TRPC5: variants seen among roughly 807,000 people sequenced by gnomAD.
The protein encoded by TRPC5 is short transient receptor potential channel 5.
TRPC5 carries 9 observed loss-of-function variants against 56.5 expected under a neutral mutation model. The observed-to-expected ratio is 0.16, with a 90% CI of 0.10 to 0.28. The LOEUF (loss-of-function observed/expected upper bound fraction) is 0.28. Ranked by LOEUF, TRPC5 falls within the 10% of genes least tolerant of loss-of-function variation. The pLI is 1.00. For synonymous variants in TRPC5, 282 were observed against 278.5 expected, an observed-to-expected ratio of 1.01 and a Z score of -0.13; for missense variants, 469 against 748.9, an observed-to-expected ratio of 0.63 and a Z score of 4.36.
At chrX:112,020,543 A>G (rs993886461) in intron 1 of TRPC5, among the ~76,000 whole-genome samples, 1 of 112,319 alleles carries the variant, frequency 8.9e-6, no homozygotes, top group African/African-American at 3.2e-5. Flanking sequence ...TTAGGCCTGA[A>G]TGTAAAAAAC....
chrX:111,776,878 C>T lies in TRPC5; in HGVS notation c.2357G>A (p.Gly786Asp), dbSNP rs1569524986. ...ELSQRDDNNDGSGGARAKSKS... is the reference protein window; with the variant it reads ...ELSQRDDNNDDSGGARAKSKS... Reference sequence around the variant, plus strand: ...GGATTTGGCCCGAGCCCCACCACTGCCATCATTATTATCGTCTCTCTGAGA... The same window carrying T: ...GGATTTGGCCCGAGCCCCACCACTGTCATCATTATTATCGTCTCTCTGAGA... The change falls in exon 11 of 11, where the codon GGC (glycine) becomes GAC (aspartate). Residue 786 changes from glycine (G) to aspartate (D), a missense_variant. Coordinates refer to ENST00000262839, the MANE Select transcript of TRPC5 (RefSeq NM_012471.3). 2 of 1,211,471 alleles carry T rather than the reference C, an allele frequency of 1.7e-6. No individual in the cohort carries two copies. The highest frequency in any genetic ancestry group is 2.2e-6 in the Non-Finnish European group (2 of 895,395).
chrX:111,994,659 T>G lies in TRPC5; in HGVS notation c.-21-42218A>C, dbSNP rs367884629. Among the ~76,000 whole-genome samples the G allele has an allele frequency of 2.2e-3, 250 of 111,373 alleles. 1 individual carries two copies. The highest frequency in any genetic ancestry group is 7.5e-3 in the African/African-American group (229 of 30,650). On this transcript the variant is annotated intron_variant, in intron 1 of 10. Transcript: ENST00000262839. ...GATTCCTAGGTATTTTATTCTCTTT[T>G]TAGCCATTGTGAATGGGAGTTCACT...
chrX:111,971,439 T>C (rs1245282641), intron 1 of TRPC5, among the ~76,000 whole-genome samples: 1 of 111,390 alleles, frequency 9.0e-6, no homozygotes, highest in African/African-American at 3.3e-5. Context: ...CAATCCAAGT[T>C]TGGATTGTAA....
At chrX:111,805,485 C>CT (rs1345823197) in intron 7 of TRPC5, among the ~76,000 whole-genome samples, 5 of 110,943 alleles carry the variant, frequency 4.5e-5, no homozygotes, top group Non-Finnish European at 9.4e-5. Context: ...TGGACCTTGA[C>CT]TTTTTTTGGT....
At chrX:111,841,350 T>C (rs770326135) in intron 6 of TRPC5, among the ~76,000 whole-genome samples, 3 of 112,095 alleles carry the variant, frequency 2.7e-5, no homozygotes, top group Non-Finnish European at 5.6e-5. Context: ...CCTGTATCCC[T>C]AGGTAAAAGT....
chrX:112,006,752 G>A lies in TRPC5; in HGVS notation c.-21-54311C>T, dbSNP rs1311476071. On this transcript the variant is annotated intron_variant, in intron 1 of 10. Transcript: ENST00000262839. ...TGGGTTTGATTCTGGAGGCATCGGAGAGCCATTAGATGCATTATTATTGGC... is the reference window on the plus strand; with the variant it reads ...TGGGTTTGATTCTGGAGGCATCGGAAAGCCATTAGATGCATTATTATTGGC... 4.5e-5 allele frequency among the ~76,000 whole-genome samples: 5 copies of A among 112,067 alleles called. No individual in the cohort carries two copies. The East Asian group carries it at 1.4e-3, about 31-fold the overall frequency.
intron 1 of TRPC5, among the ~76,000 whole-genome samples, chrX:111,993,499 C>A (rs1928424487): frequency 1.8e-5 from 2 of 112,203 alleles, no homozygotes; most frequent in Admixed American, 1.9e-4. Flanking sequence ...AATGGTTGAA[C>A]CAATTTACAC....
At position 111,772,370 on chromosome X, in the gene TRPC5, T is replaced by C. The variant is rs1452808067; in HGVS notation, c.*3943A>G. ...CACTTGGATCAATTTGCATTGACTATGTCTATATGAGCAATCTTTTGAAAA... is the reference window on the plus strand; with the variant it reads ...CACTTGGATCAATTTGCATTGACTACGTCTATATGAGCAATCTTTTGAAAA... On this transcript the variant is annotated 3_prime_UTR_variant, in exon 11 of 11. Coordinates refer to ENST00000262839, the MANE Select transcript of TRPC5 (RefSeq NM_012471.3). Among the ~76,000 whole-genome samples the C allele has an allele frequency of 1.8e-5, 2 of 112,373 alleles. No homozygotes were observed. Among genetic ancestry groups the C allele is most frequent in the African/African-American group, 6.5e-5 (2 of 30,972 alleles).
chrX:112,011,875 T>C (rs964840626), intron 1 of TRPC5, among the ~76,000 whole-genome samples: 1 of 112,003 alleles, frequency 8.9e-6, no homozygotes, highest in Non-Finnish European at 1.9e-5. Context: ...AAACTTCATG[T>C]ATACAGCATT....
At chrX:111,987,959 T>C (rs1928255397) in intron 1 of TRPC5, among the ~76,000 whole-genome samples, 1 of 112,677 alleles carries the variant, frequency 8.9e-6, no homozygotes, top group Non-Finnish European at 1.9e-5. Context: ...TGGAAACACA[T>C]AGAATAATGT....
At chrX:111,869,155 T>A (rs1174587808) in intron 3 of TRPC5, among the ~76,000 whole-genome samples, 2 of 110,458 alleles carry the variant, frequency 1.8e-5, no homozygotes, top group Non-Finnish European at 3.8e-5. Context: ...GCAGCATTTT[T>A]TTTTTTTTTT....
chrX:111,876,755 T>G (rs1400626513), intron 3 of TRPC5, among the ~76,000 whole-genome samples: 2 of 112,147 alleles, frequency 1.8e-5, no homozygotes, highest in African/African-American at 6.5e-5. Flanking sequence ...TATCATATAC[T>G]TCTCTGAAGA....
intron 1 of TRPC5, among the ~76,000 whole-genome samples, chrX:112,059,516 G>A (rs1190970782): frequency 1.8e-5 from 2 of 111,933 alleles, no homozygotes; most frequent in Non-Finnish European, 3.8e-5. Flanking sequence ...GCACTCAGTG[G>A]ACAAGGTTGT....
chrX:111,922,281 A>T (rs146330782), intron 2 of TRPC5, among the ~76,000 whole-genome samples: 1 of 111,702 alleles, frequency 9.0e-6, no homozygotes, highest in Admixed American at 9.5e-5. Context: ...ATTCATACAC[A>T]CAATGTTGTC....
intron 1 of TRPC5, among the ~76,000 whole-genome samples, chrX:112,074,799 C>G (rs971337536): frequency 8.9e-6 from 1 of 112,337 alleles, no homozygotes; most frequent in Non-Finnish European, 1.9e-5. Context: ...CTGGTGCACA[C>G]TGAGCGAATA....
intron 3 of TRPC5, among the ~76,000 whole-genome samples, chrX:111,890,798 A>C (rs866580495): frequency 1.8e-5 from 2 of 111,670 alleles, no homozygotes. Flanking sequence ...GGTTTGTTTT[A>C]CAGATTATTT....
chrX:111,982,836 C>T (rs994398005), intron 1 of TRPC5, among the ~76,000 whole-genome samples: 7 of 111,133 alleles, frequency 6.3e-5, no homozygotes, highest in African/African-American at 2.0e-4. Flanking sequence ...TAATAATGAG[C>T]GATTCCACTC....
intron 7 of TRPC5, among the ~76,000 whole-genome samples, chrX:111,812,883 C>T (rs1921752081): frequency 8.9e-6 from 1 of 111,847 alleles, no homozygotes. Flanking sequence ...TATTTATAAC[C>T]CTTGATTTAA....
chrX:111,813,222 G>T (rs1255800670), intron 7 of TRPC5, among the ~76,000 whole-genome samples: 2 of 112,221 alleles, frequency 1.8e-5, no homozygotes, highest in African/African-American at 6.5e-5. Context: ...ACAGTGTTTA[G>T]GACTTTTGTG....
Sources: allele counts gnomAD v4.1 joint callset (sites outside exome capture counted in the v4.1 genomes callset), GRCh38; gene constraint gnomAD v4.1.1; transcripts MANE v1.5; gene names NCBI Gene and HGNC (gene_info 2026-07-23, HGNC 2026-07-21).